The following BCO1 variants were observed in gnomAD, a reference collection of about 807,000 sequenced individuals.
BCO1 encodes the protein beta,beta-carotene 15,15'-dioxygenase.
Under a neutral mutation model 56.3 loss-of-function variants are expected in BCO1, and 54 were observed. The ratio of observed to expected loss-of-function variants is 0.96; its 90% CI spans 0.77 to 1.20. The LOEUF is 1.20. Among genes scored for constraint, BCO1 ranks in the 50% most tolerant of loss-of-function variants. BCO1 has a pLI of 0.00. For synonymous variants in BCO1, 318 were observed against 266.1 expected (o/e 1.20, Z -1.90); for missense variants, 801 against 690.9 (o/e 1.16, Z -1.79).
At position 81,238,857 on chromosome 16, in the gene BCO1, C is replaced by A; in HGVS notation, c.-52C>A. 6.5e-7 allele frequency: 1 copy of A among 1,528,226 alleles called. No individual in the cohort carries two copies. The allele number at this position is 1,528,226 out of a possible 1,614,324, so 94.7% of individuals were successfully genotyped here. A position where few individuals can be genotyped will look rare whatever the true frequency, so the allele number is the denominator to read the frequency against. ...GAGGGAGCAGCATCTCCTGTGAACA[C>A]AGAGGAGCACCTGTTTGCTGTTAAA... is the stretch of plus-strand genomic sequence containing the variant. On this transcript the variant is annotated 5_prime_UTR_variant, in exon 1 of 11. Coordinates refer to ENST00000258168, the MANE Select transcript of BCO1 (RefSeq NM_017429.3).
chr16:81,268,074 C>G lies in BCO1; in HGVS notation c.786C>G (p.Thr262=), dbSNP rs749662999. 1.9e-6 allele frequency: 3 copies of G among 1,612,782 alleles called. No homozygotes were observed. The highest frequency in any genetic ancestry group is 2.5e-6 in the Non-Finnish European group (3 of 1,180,012). The part of the protein sequence containing the change: ...PFRLDILKMA[T]AYIRRMSWAS... ...GGTTGGATATTCTCAAGATGGCAAC[C>G]GCATACATCCGGAGAATGAGCTGGG... The change falls in exon 6 of 11, where the codon ACC becomes ACG. Residue 262 remains threonine, a synonymous_variant. Transcript: ENST00000258168.
rs149904848 is a variant in BCO1, at chr16:81,282,710, T to G, written c.1207+1748T>G. Among the ~76,000 whole-genome samples the G allele has an allele frequency of 6.3e-3, 952 of 152,148 alleles. 33 individuals carry two copies. The highest frequency in any genetic ancestry group is 0.054 in the Admixed American group (824 of 15,256). ...TCCTGAGAAGACCACGCTTGTTTAT[T>G]GTTGCAATATTGTCCACACTAAAAA... is the stretch of plus-strand genomic sequence containing the variant. On this transcript the variant is annotated intron_variant, in intron 8 of 10. Coordinates refer to ENST00000258168, the MANE Select transcript of BCO1 (RefSeq NM_017429.3).
chr16:81,261,820 C>G, intron 3 of BCO1: 1 of 355,132 alleles, frequency 2.8e-6, no homozygotes, highest in Non-Finnish European at 5.5e-6. Flanking sequence ...CGGTTCACTG[C>G]AAGCTCCGCC....
chr16:81,242,359 C>G (rs1051708579), intron 1 of BCO1, among the ~76,000 whole-genome samples: 1 of 152,042 alleles, frequency 6.6e-6, no homozygotes, highest in African/African-American at 2.4e-5. Flanking sequence ...CACCACCACA[C>G]CCAGCTAATT....
At chr16:81,282,009 T>A (rs1022219860) in intron 8 of BCO1, among the ~76,000 whole-genome samples, 1 of 152,204 alleles carries the variant, frequency 6.6e-6, no homozygotes, top group Non-Finnish European at 1.5e-5. Flanking sequence ...GAGGTCTGTG[T>A]TCCATACGCC....
intron 2 of BCO1, among the ~76,000 whole-genome samples, chr16:81,250,968 T>C (rs1266172594): frequency 2.0e-5 from 3 of 152,162 alleles, no homozygotes; most frequent in Non-Finnish European, 4.4e-5. Flanking sequence ...CTAACACACT[T>C]CCCAGGTGAC....
intron 2 of BCO1, among the ~76,000 whole-genome samples, chr16:81,248,020 G>A (rs1452121023): frequency 6.6e-6 from 1 of 152,126 alleles, no homozygotes; most frequent in African/African-American, 2.4e-5. Flanking sequence ...ATCTCATGGA[G>A]CTGCTATTAG....
intron 10 of BCO1, among the ~76,000 whole-genome samples, chr16:81,289,495 G>T (rs28372634): frequency 6.6e-6 from 1 of 152,102 alleles, no homozygotes; most frequent in African/African-American, 2.4e-5. Flanking sequence ...ACAAAAATTA[G>T]CCAGACGTGG....
At position 81,248,520 on chromosome 16, in the gene BCO1, TAG is replaced by T. The variant is rs573205357; in HGVS notation, c.193+2921_193+2922del. Among the ~76,000 whole-genome samples the T allele has an allele frequency of 2.6e-3, 391 of 152,150 alleles. 4 individuals are homozygous for T. The highest frequency in any genetic ancestry group is 0.014 in the Middle Eastern group (4 of 294). Reference sequence around the variant, plus strand: ...CCTTGCTCTAACATTTACACATGAATAGAGACACGATGGGTGAAAAGCGCGAG... The same window carrying T: ...CCTTGCTCTAACATTTACACATGAATAGACACGATGGGTGAAAAGCGCGAG... On this transcript the variant is annotated intron_variant, in intron 2 of 10. Transcript: ENST00000258168.
intron 4 of BCO1, chr16:81,262,757 G>C (rs1266306553): frequency 4.0e-6 from 1 of 249,332 alleles, no homozygotes. Flanking sequence ...AACTCAGGAG[G>C]GGGAGGTTGC....
intron 5 of BCO1, 133 bp from the exon 6 acceptor site, chr16:81,267,775 T>G: frequency 1.3e-6 from 1 of 755,312 alleles, no homozygotes; most frequent in Non-Finnish European, 2.3e-6. Context: ...AACCTTGTTG[T>G]CTGTCTACAC....
In BCO1 at chr16:81,262,241, C is replaced by T; in HGVS notation, c.429C>T (p.Tyr143=). 2 of 1,613,770 alleles carry T rather than the reference C, an allele frequency of 1.2e-6. No homozygotes were observed. Among genetic ancestry groups the T allele is most frequent in the Non-Finnish European group, 1.7e-6 (2 of 1,179,732 alleles). Residue 143 remains tyrosine, a synonymous_variant, in exon 4 of 11, where the codon TAC becomes TAT. Transcript: ENST00000258168. ...EDFYATSETN[Y]IRKINPQTLE... ...TCTACGCGACCTCAGAGACCAATTA[C>T]ATCAGGAAAATCAACCCACAGACTC...
chr16:81,245,849 CTTTTTTTTTTTTTTTT>C (rs1176582576), intron 2 of BCO1, among the ~76,000 whole-genome samples: 1 of 93,368 alleles, frequency 1.1e-5, no homozygotes, highest in Non-Finnish European at 2.0e-5. Flanking sequence ...CCATCTCTGT[CTTTTTTTTTTTTTTTT>C]TTTTTTTTTT....
intron 7 of BCO1, among the ~76,000 whole-genome samples, chr16:81,270,900 A>G (rs1907167980): frequency 6.6e-6 from 1 of 152,094 alleles, no homozygotes; most frequent in Non-Finnish European, 1.5e-5. Context: ...GCCCGCCACC[A>G]TGCCCAGAGA....
chr16:81,251,692 A>G lies in BCO1; in HGVS notation c.193+6089A>G, dbSNP rs994303158. 1.1e-4 allele frequency among the ~76,000 whole-genome samples: 16 copies of G among 152,220 alleles called. No homozygotes were observed. In the South Asian group the frequency reaches 1.9e-3, roughly 18 times the overall value. ...TACATCTAAAATTATTTCAAAGCAA[A>G]AAGTTTTTACAAAGCACGCATAGAA... On this transcript the variant is annotated intron_variant, in intron 2 of 10. Coordinates refer to ENST00000258168, the MANE Select transcript of BCO1 (RefSeq NM_017429.3).
At chr16:81,269,217 C>T (rs558830141) in intron 6 of BCO1, among the ~76,000 whole-genome samples, 1 of 151,936 alleles carries the variant, frequency 6.6e-6, no homozygotes, top group East Asian at 1.9e-4. Flanking sequence ...CTCCCATCCA[C>T]CCCCACGTCT....
chr16:81,265,359 C>G (rs1906747064), intron 5 of BCO1, among the ~76,000 whole-genome samples: 1 of 149,118 alleles, frequency 6.7e-6, no homozygotes, highest in African/African-American at 2.5e-5. Context: ...ACCCACCCAT[C>G]CACCCATCCA....
At position 81,290,629 on chromosome 16, in the gene BCO1, G is replaced by A. The variant is rs552588999; in HGVS notation, c.*52G>A. ...GGAGCTCGGCTGTCAGAACTCCATG[G>A]ATATGTTTCTTTGGATGGAGGGGAG... On this transcript the variant is annotated 3_prime_UTR_variant, in exon 11 of 11. Coordinates refer to ENST00000258168, the MANE Select transcript of BCO1 (RefSeq NM_017429.3). 90 of 1,441,820 alleles carry A rather than the reference G, an allele frequency of 6.2e-5. No individual in the cohort carries two copies. In the South Asian group the frequency reaches 9.1e-4, roughly 15 times the overall value. The allele number at this position is 1,441,820 out of a possible 1,614,324, so 89.3% of individuals were successfully genotyped here. A position where few individuals can be genotyped will look rare whatever the true frequency, so the allele number is the denominator to read the frequency against.
At chr16:81,242,304 G>A (rs921546931) in intron 1 of BCO1, among the ~76,000 whole-genome samples, 1 of 146,754 alleles carries the variant, frequency 6.8e-6, no homozygotes, top group Non-Finnish European at 1.5e-5. Flanking sequence ...AGGTTCAATC[G>A]ATTCTCCTGC....
Sources: allele counts gnomAD v4.1 joint callset (sites outside exome capture counted in the v4.1 genomes callset), GRCh38; gene constraint gnomAD v4.1.1; transcripts MANE v1.5; gene names NCBI Gene and HGNC (gene_info 2026-07-23, HGNC 2026-07-21).